Variants in CD82 observed in about 807,000 individuals in gnomAD.
CD82 encodes CD82 antigen.
A neutral mutation model predicts 37.4 loss-of-function variants in CD82; 36 were observed. The ratio of observed to expected loss-of-function variants is 0.96; its 90% CI spans 0.74 to 1.27. CD82 has a LOEUF of 1.27. Among genes scored for constraint, CD82 ranks in the 50% most tolerant of loss-of-function variants. CD82 has a pLI of 0.00. For synonymous variants in CD82, 158 were observed against 137.4 expected (o/e 1.15, Z -1.05); for missense variants, 340 against 347.0 (o/e 0.98, Z 0.16).
chr11:44,604,265 G>C (rs1228919413), intron 4 of CD82, among the ~76,000 whole-genome samples: 3 of 152,252 alleles, frequency 2.0e-5, no homozygotes, highest in Non-Finnish European at 4.4e-5. Flanking sequence ...TGGGCACCCA[G>C]TAAACATTTC....
chr11:44,593,533 G>A (rs937227157), intron 2 of CD82, among the ~76,000 whole-genome samples: 2 of 152,200 alleles, frequency 1.3e-5, no homozygotes, highest in Non-Finnish European at 2.9e-5. Context: ...TCTTCCTCCC[G>A]GGGCCCTCCC....
At chr11:44,572,074 A>C (rs1377254281) in intron 1 of CD82, among the ~76,000 whole-genome samples, 1 of 152,174 alleles carries the variant, frequency 6.6e-6, no homozygotes, top group African/African-American at 2.4e-5. Context: ...ATGTGATGCC[A>C]CAGTGGACGG....
In CD82 at chr11:44,592,480, G is replaced by T. The variant is rs78470403; in HGVS notation, c.-20-2163G>T. ...GGTCAGGCTGAAACACAGCAGATCC[G>T]TGGTAGGAAAGAAGAACAGATGCCG... On this transcript the variant is annotated intron_variant, in intron 2 of 9. Transcript: ENST00000227155. Among the ~76,000 whole-genome samples, 1,352 of 152,348 alleles carry T rather than the reference G, an allele frequency of 8.9e-3. 20 individuals carry two copies. Among genetic ancestry groups the T allele is most frequent in the African/African-American group, 0.031 (1,294 of 41,576 alleles).
At chr11:44,565,269 G>A (rs1273128714), upstream of CD82, among the ~76,000 whole-genome samples, 1 of 152,226 alleles carries the variant, frequency 6.6e-6, no homozygotes, top group African/African-American at 2.4e-5. Context: ...AGGAGAAAGT[G>A]AAGGAGGCGG....
In CD82 at chr11:44,565,716, A is replaced by T. The variant is rs1290276429; in HGVS notation, c.-123A>T. On this transcript the variant is annotated 5_prime_UTR_variant, in exon 1 of 10. Coordinates refer to ENST00000227155, the MANE Select transcript of CD82 (RefSeq NM_002231.4). The stretch of plus-strand genomic sequence containing the variant: ...GGGTGACGCTGGGCCTGCAGCGCGG[A>T]GCAGAAAGCAGAACCCGCAGGTGAG... 1 of 151,848 alleles carries T rather than the reference A, an allele frequency of 6.6e-6. No individual in the cohort carries two copies. Among genetic ancestry groups the T allele is most frequent in the East Asian group, 1.9e-4 (1 of 5,144 alleles). 9.4% of individuals were successfully genotyped at this position (151,848 alleles called of 1,614,324 possible). A position where few individuals can be genotyped will look rare whatever the true frequency, so the allele number is the denominator to read the frequency against.
At position 44,597,359 on chromosome 11, in the gene CD82, G is replaced by A. The variant is rs1853243784; in HGVS notation, c.63+2634G>A. Among the ~76,000 whole-genome samples the A allele has an allele frequency of 8.1e-6, 1 of 122,816 alleles. No individual in the cohort carries two copies. Among genetic ancestry groups the A allele is most frequent in the African/African-American group, 3.7e-5 (1 of 26,826 alleles). 80.6% of individuals were successfully genotyped at this position (122,816 alleles called of 152,430 possible). ...GGTCCCATCTGGGGATTGGGGAAGG[G>A]CTGGGGGAGTGATTAACATGGGGCC... On this transcript the variant is annotated intron_variant, in intron 3 of 9. Transcript: ENST00000227155. The surrounding 1 kb of genome is among the most constrained non-coding windows in gnomAD (Gnocchi z 4.1).
Position 44,600,151 on chromosome 11 carries a change from C to G in CD82, c.64-7C>G. ...GCTCCCCATTAACTGCTCCCTTCTC[C>G]TTCCAGATCCTGGGCGCAGTGATCC... On this transcript the variant is annotated splice_region_variant and splice_polypyrimidine_tract_variant and intron_variant, in intron 3 of 9. Coordinates refer to ENST00000227155, the MANE Select transcript of CD82 (RefSeq NM_002231.4). 1.2e-6 allele frequency: 2 copies of G among 1,614,022 alleles called. No individual in the cohort carries two copies. The highest frequency in any genetic ancestry group is 1.7e-6 in the Non-Finnish European group (2 of 1,179,918).
intron 4 of CD82, among the ~76,000 whole-genome samples, chr11:44,601,032 G>C (rs77259401): frequency 1.3e-5 from 2 of 152,142 alleles, no homozygotes; most frequent in African/African-American, 4.8e-5. Context: ...GCCCTTCTGC[G>C]CCTGCTCGGC....
chr11:44,573,511 T>G (rs1852844920), intron 1 of CD82, among the ~76,000 whole-genome samples: 1 of 152,166 alleles, frequency 6.6e-6, no homozygotes, highest in East Asian at 1.9e-4. Context: ...CCCCTGGCCT[T>G]TCTGAACACA....
At position 44,587,497 on chromosome 11, in the gene CD82, A is replaced by G. The variant is rs1318475099; in HGVS notation, c.-80A>G. ...CAGAGTCCTCCCTGCTGCTGTGTGGACGACACGTGGGCACAGGCAGAAGTG... is the reference window on the plus strand; with the variant it reads ...CAGAGTCCTCCCTGCTGCTGTGTGGGCGACACGTGGGCACAGGCAGAAGTG... On this transcript the variant is annotated 5_prime_UTR_variant, in exon 2 of 10. Transcript: ENST00000227155. 4.4e-6 allele frequency: 2 copies of G among 456,306 alleles called. No homozygotes were observed. Among genetic ancestry groups the G allele is most frequent in the African/African-American group, 2.0e-5 (1 of 50,190 alleles). The allele number at this position is 456,306 out of a possible 1,614,324, so 28.3% of individuals were successfully genotyped here.
chr11:44,605,732 A>G (rs1853385222), intron 6 of CD82, among the ~76,000 whole-genome samples: 2 of 152,238 alleles, frequency 1.3e-5, no homozygotes, highest in South Asian at 2.1e-4. Context: ...AAATGGAAAC[A>G]ATAAGAAAAC....
intron 2 of CD82, chr11:44,587,758 C>CCTG (rs2134642995): frequency 2.6e-6 from 1 of 377,908 alleles, no homozygotes; most frequent in South Asian, 1.9e-5. Context: ...GGCAGCAGGT[C>CCTG]CTGGCATTCA....
intron 1 of CD82, among the ~76,000 whole-genome samples, chr11:44,569,233 C>T (rs1294033123): frequency 2.0e-5 from 3 of 152,126 alleles, no homozygotes; most frequent in African/African-American, 4.8e-5. Flanking sequence ...TTGCTCCCCT[C>T]GCCCCTGATG....
intron 6 of CD82, among the ~76,000 whole-genome samples, chr11:44,608,716 G>A (rs1853435075): frequency 6.6e-6 from 1 of 152,274 alleles, no homozygotes; most frequent in Non-Finnish European, 1.5e-5. Context: ...CAGAAGCAAG[G>A]CTATGTATGG....
chr11:44,572,745 A>G (rs561566152), intron 1 of CD82, among the ~76,000 whole-genome samples: 5 of 152,350 alleles, frequency 3.3e-5, no homozygotes, highest in African/African-American at 1.2e-4. Flanking sequence ...GACCATTCTG[A>G]GCCTCAGTTT....
intron 3 of CD82, chr11:44,596,759 T>G: frequency 2.6e-6 from 1 of 380,974 alleles, no homozygotes; most frequent in Non-Finnish European, 5.3e-6. Flanking sequence ...GCTTGTTTAC[T>G]CCTCAGCAAA....
intron 1 of CD82, among the ~76,000 whole-genome samples, chr11:44,577,827 C>T (rs933062239): frequency 9.9e-5 from 15 of 152,176 alleles, no homozygotes; most frequent in African/African-American, 3.4e-4. Flanking sequence ...TACCCCAACC[C>T]GCTTGAGTAG....
chr11:44,610,800 C>T (rs1205338382), intron 6 of CD82, among the ~76,000 whole-genome samples: 1 of 152,142 alleles, frequency 6.6e-6, no homozygotes, highest in Non-Finnish European at 1.5e-5. Context: ...TGCAGTCACA[C>T]AGGATAATCT....
chr11:44,615,744 G>C lies in CD82; in HGVS notation c.438+371G>C, dbSNP rs1590351915. Reference sequence around the variant, plus strand: ...CCCAGTGAAGGCTGCCTCTGGGGAAGGGCACTAGCTGGGGAGGTGTTGGGG... The same window carrying C: ...CCCAGTGAAGGCTGCCTCTGGGGAACGGCACTAGCTGGGGAGGTGTTGGGG... On this transcript the variant is annotated intron_variant, in intron 7 of 9. Coordinates refer to ENST00000227155, the MANE Select transcript of CD82 (RefSeq NM_002231.4). Among the ~76,000 whole-genome samples, 7 of 152,320 alleles carry C rather than the reference G, an allele frequency of 4.6e-5. No individual in the cohort carries two copies. In the South Asian group the frequency reaches 1.5e-3, roughly 32 times the overall value.
Sources: gnomAD v4.1 joint callset for allele counts (sites outside exome capture counted in the v4.1 genomes callset) on GRCh38, gnomAD v4.1.1 for gene constraint, Gnocchi (gnomAD v3.1) non-coding constraint, MANE v1.5 for transcripts, NCBI Gene and HGNC (gene_info 2026-07-23, HGNC 2026-07-21) for gene names.